Variants in TRA2A observed in about 807,000 individuals in gnomAD.
TRA2A encodes transformer 2 alpha homolog.
Under a neutral mutation model 45.7 loss-of-function variants are expected in TRA2A, and 31 were observed. The ratio of observed to expected loss-of-function variants is 0.68; its 90% CI spans 0.51 to 0.92. The LOEUF (loss-of-function observed/expected upper bound fraction) is 0.92, where lower values mean the gene tolerates loss of function less well. Among genes scored for constraint, TRA2A ranks in the 40% least tolerant of loss-of-function variants. TRA2A has a pLI of 0.00. For synonymous variants in TRA2A, 132 were observed against 126.2 expected (o/e 1.05, Z -0.31); for missense variants, 304 against 367.5 (o/e 0.83, Z 1.41).
chr7:23,516,594 A>G, intron 2 of TRA2A, 66 bp from the exon 3 acceptor site: 1 of 1,453,192 alleles, frequency 6.9e-7, no homozygotes, highest in Non-Finnish European at 9.6e-7. Flanking sequence ...CCCTCTTCCA[A>G]GAAGGTATAC....
At chr7:23,512,615 C>G (rs916545883) in intron 4 of TRA2A, among the ~76,000 whole-genome samples, 1 of 152,042 alleles carries the variant, frequency 6.6e-6, no homozygotes, top group Non-Finnish European at 1.5e-5. Flanking sequence ...CCGGCCACCA[C>G]GCCTGGCTAA....
intron 1 of TRA2A, among the ~76,000 whole-genome samples, chr7:23,530,639 G>A (rs1790536668): frequency 6.6e-6 from 1 of 152,146 alleles, no homozygotes; most frequent in Non-Finnish European, 1.5e-5. Context: ...GTAAACTTTG[G>A]AAATGAAACT....
chr7:23,506,324 T>C (rs1789338652), intron 5 of TRA2A, 58 bp from the exon 6 acceptor site: 1 of 1,463,038 alleles, frequency 6.8e-7, no homozygotes, highest in East Asian at 2.4e-5. Context: ...CAGGACACTT[T>C]AATACAAATT....
chr7:23,507,698 A>C lies in TRA2A; in HGVS notation c.526-163T>G, dbSNP rs553525844. 3.3e-5 allele frequency among the ~76,000 whole-genome samples: 5 copies of C among 152,360 alleles called. No homozygotes were observed. The East Asian group carries it at 9.6e-4, about 29-fold the overall frequency. ...CATTGTATAGACAATTCTAGACCTC[A>C]ACAATGTCCAGAACACATTTAAATT... On this transcript the variant is annotated intron_variant, in intron 4 of 7. Coordinates refer to ENST00000297071, the MANE Select transcript of TRA2A (RefSeq NM_013293.5).
intron 1 of TRA2A, among the ~76,000 whole-genome samples, chr7:23,525,074 C>G (rs1355339049): frequency 3.3e-5 from 5 of 152,054 alleles, no homozygotes; most frequent in Admixed American, 1.3e-4. Flanking sequence ...AATAAACTGC[C>G]AAGTATATAA....
chr7:23,515,370 C>T (rs1202448897), intron 3 of TRA2A, among the ~76,000 whole-genome samples: 2 of 151,492 alleles, frequency 1.3e-5, no homozygotes, highest in Non-Finnish European at 2.9e-5. Flanking sequence ...GCTGGGACTA[C>T]AGGCGTCTGC....
intron 4 of TRA2A, among the ~76,000 whole-genome samples, chr7:23,511,336 A>G (rs1346177628): frequency 7.8e-6 from 1 of 128,496 alleles, no homozygotes; most frequent in Non-Finnish European, 1.6e-5. Flanking sequence ...GCGCCACTGC[A>G]CTCCAGCCTG....
At chr7:23,511,405 A>AAAAAAAAAAAAGAAAAAGAAAAGAAAAG (rs1789609808) in intron 4 of TRA2A, among the ~76,000 whole-genome samples, 1 of 44,354 alleles carries the variant, frequency 2.3e-5, no homozygotes, top group Non-Finnish European at 4.7e-5. Flanking sequence ...AAAAAAAAAA[A>AAAAAAAAAAAAGAAAAAGAAAAGAAAAG]AAAAAGAAAA....
intron 3 of TRA2A, among the ~76,000 whole-genome samples, chr7:23,513,970 T>C (rs1377425310): frequency 1.3e-5 from 2 of 152,168 alleles, no homozygotes; most frequent in Non-Finnish European, 2.9e-5. Flanking sequence ...ACCTAATGCT[T>C]GTTTGGACCA....
At chr7:23,507,319 GA>G in intron 5 of TRA2A, 100 bp downstream of exon 5, 2 of 918,870 alleles carry the variant, frequency 2.2e-6, no homozygotes, top group Non-Finnish European at 3.4e-6. Context: ...CCCCTTGCCA[GA>G]ATCAATTCTA....
At position 23,505,504 on chromosome 7, in the gene TRA2A, A is replaced by AAAAAAAG; in HGVS notation, c.*54_*55insCTTTTTT. 1 of 505,980 alleles carries AAAAAAAG rather than the reference A, an allele frequency of 2.0e-6. No individual in the cohort carries two copies. The highest frequency in any genetic ancestry group is 3.6e-6 in the Non-Finnish European group (1 of 279,036). The allele number at this position is 505,980 out of a possible 1,614,324, so 31.3% of individuals were successfully genotyped here. On this transcript the variant is annotated 3_prime_UTR_variant, in exon 8 of 8. Coordinates refer to ENST00000297071, the MANE Select transcript of TRA2A (RefSeq NM_013293.5). ...AGCTTGGGGAAATCTCAGAATTAAA[A>AAAAAAAG]AAAAAAAAAAAAAAAAGAGGAAAAA...
At chr7:23,531,511 G>T in intron 1 of TRA2A, 1 of 555,114 alleles carries the variant, frequency 1.8e-6, no homozygotes. Context: ...AGCCTCAGGG[G>T]TGGGGAGAAG....
chr7:23,511,569 C>T (rs1789623855), intron 4 of TRA2A, among the ~76,000 whole-genome samples: 1 of 151,724 alleles, frequency 6.6e-6, no homozygotes, highest in South Asian at 2.1e-4. Flanking sequence ...AAATCAATTA[C>T]TATCAACTTT....
At chr7:23,519,548 T>C (rs763954189) in intron 2 of TRA2A, among the ~76,000 whole-genome samples, 1 of 151,776 alleles carries the variant, frequency 6.6e-6, no homozygotes, top group Non-Finnish European at 1.5e-5. Flanking sequence ...AGAGCAAGAC[T>C]CCATCTCAAA....
intron 5 of TRA2A, 60 bp downstream of exon 5, chr7:23,507,360 A>G: frequency 7.1e-7 from 1 of 1,410,814 alleles, no homozygotes; most frequent in Non-Finnish European, 9.9e-7. Flanking sequence ...TGAGTAATCA[A>G]AATTTTGCAC....
chr7:23,506,149 A>G lies in TRA2A; in HGVS notation c.759T>C (p.Asp253=), dbSNP rs755021621. 1.2e-6 allele frequency: 2 copies of G among 1,608,034 alleles called. No individual in the cohort carries two copies. The highest frequency in any genetic ancestry group is 1.7e-6 in the Non-Finnish European group (2 of 1,176,102). The change falls in exon 6 of 8, where the codon GAT becomes GAC. Residue 253 remains aspartate (D), a synonymous_variant. Coordinates refer to ENST00000297071, the MANE Select transcript of TRA2A (RefSeq NM_013293.5). ...DRGYDRYEDY[D]YRYRRRSPSP... ...AGTTAAAACATTACCTGTATCGGTA[A>G]TCATAGTCTTCATATCTGTCATACC... is the stretch of plus-strand genomic sequence containing the variant.
chr7:23,505,607 A>AC, intron 7 of TRA2A, 38 bp from the exon 8 acceptor site: 1 of 603,794 alleles, frequency 1.7e-6, no homozygotes, highest in East Asian at 3.0e-5. Flanking sequence ...AAAAAAAAAA[A>AC]AGTTAACAAT....
intron 4 of TRA2A, among the ~76,000 whole-genome samples, chr7:23,510,680 T>G (rs1025157753): frequency 6.6e-6 from 1 of 152,152 alleles, no homozygotes; most frequent in Non-Finnish European, 1.5e-5. Flanking sequence ...AATCAAGAGA[T>G]AAACACGTTT....
intron 4 of TRA2A, among the ~76,000 whole-genome samples, chr7:23,511,486 ATTAAT>A (rs1348692205): frequency 6.6e-6 from 1 of 151,038 alleles, no homozygotes; most frequent in African/African-American, 2.4e-5. Flanking sequence ...ATATATATAT[ATTAAT>A]TTAAAAGACA....
Sources: gnomAD v4.1 joint callset for allele counts (sites outside exome capture counted in the v4.1 genomes callset) on GRCh38, gnomAD v4.1.1 for gene constraint, MANE v1.5 for transcripts, NCBI Gene and HGNC (gene_info 2026-07-23, HGNC 2026-07-21) for gene names.